Variants in TBCD observed in about 807,000 individuals in gnomAD.
TBCD encodes the protein tubulin folding cofactor D, also known as tubulin-specific chaperone D.
In TBCD, 105 loss-of-function variants were observed where a neutral mutation model predicts 169.3. The observed-to-expected ratio is 0.62, with a 90% CI of 0.53 to 0.73. The LOEUF (loss-of-function observed/expected upper bound fraction) is 0.73, where lower values mean the gene tolerates loss of function less well. Ranked by LOEUF, TBCD falls within the 30% of genes least tolerant of loss-of-function variation. The pLI, the probability that TBCD is intolerant of heterozygous loss-of-function variation, is 0.00. For missense variants in TBCD, 1,444 were observed against 1,600.1 expected (o/e 0.90, Z 1.66); for synonymous variants, 700 against 643.9 (o/e 1.09, Z -1.32).
intron 14 of TBCD, among the ~76,000 whole-genome samples, chr17:82,883,138 G>A (rs572713488): frequency 2.6e-5 from 4 of 152,260 alleles, no homozygotes; most frequent in African/African-American, 9.6e-5. Context: ...CGTCCTTCAT[G>A]TTGACGCGGG....
chr17:82,787,729 G>A (rs2049417679), intron 7 of TBCD, among the ~76,000 whole-genome samples: 1 of 152,350 alleles, frequency 6.6e-6, no homozygotes, highest in East Asian at 1.9e-4. Flanking sequence ...AAGTACCATC[G>A]AAACCAGGAT....
intron 5 of TBCD, among the ~76,000 whole-genome samples, chr17:82,771,962 ACCTACTATGTAC>A (rs1568109554): frequency 6.6e-6 from 1 of 152,006 alleles, no homozygotes; most frequent in Non-Finnish European, 1.5e-5. Context: ...AAATATATAC[ACCTACTATGTAC>A]CCCAAAAATT....
At chr17:82,850,628 CTGTTGGCTGTGCTGT>C (rs1167860970) in intron 13 of TBCD, among the ~76,000 whole-genome samples, 7 of 149,418 alleles carry the variant, frequency 4.7e-5, no homozygotes, top group East Asian at 2.0e-4. Context: ...TGCTGTTTTG[CTGTTGGCTGTGCTGT>C]TGTTGGCTGT....
At chr17:82,853,402 C>CTT (rs11439499) in intron 13 of TBCD, among the ~76,000 whole-genome samples, 24 of 139,408 alleles carry the variant, frequency 1.7e-4, no homozygotes, top group African/African-American at 5.0e-4. Flanking sequence ...ACCCCCCCTC[C>CTT]TTTTTTTTTT....
At chr17:82,758,021 A>G (rs1008506172) in intron 2 of TBCD, among the ~76,000 whole-genome samples, 2 of 152,210 alleles carry the variant, frequency 1.3e-5, no homozygotes, top group African/African-American at 2.4e-5. Context: ...AGAGTGGATC[A>G]TGGAATATTA....
At position 82,764,032 on chromosome 17, in the gene TBCD, G is replaced by C; in HGVS notation, c.303G>C (p.Leu101=). The C allele has an allele frequency of 1.2e-6, 2 of 1,613,858 alleles. No individual in the cohort carries two copies. The highest frequency in any genetic ancestry group is 1.7e-6 in the Non-Finnish European group (2 of 1,179,836). Residue 101 remains leucine (L), a synonymous_variant, in exon 3 of 39, where the codon CTG becomes CTC. Coordinates refer to ENST00000355528, the MANE Select transcript of TBCD (RefSeq NM_005993.5). ...DQTSPASLVH[L]AFKFLYIITK... ...CATCTCCAGCTTCCCTTGTACATCT[G>C]GCTTTTAAATTTCTTTACATCATCA...
At position 82,831,950 on chromosome 17, in the gene TBCD, T is replaced by C. The variant is rs142698629; in HGVS notation, c.1318+17016T>C. 6.2e-6 allele frequency: 10 copies of C among 1,613,918 alleles called. No homozygotes were observed. In the African/African-American group the frequency reaches 1.2e-4, roughly 19 times the overall value. ...TCGGCGTTGTCTGGCCCCTTGAGTC[T>C]GTGCTCGCCGACTGGAACAAATGCA... is the stretch of plus-strand genomic sequence containing the variant. On this transcript the variant is annotated intron_variant, in intron 13 of 38. Transcript: ENST00000355528. This position sits in a 1 kb window ranked among gnomAD's most constrained non-coding sequence, Gnocchi z 4.6.
At chr17:82,870,171 CGT>C in intron 13 of TBCD, 51 bp from the exon 14 acceptor site, 1 of 1,608,310 alleles carries the variant, frequency 6.2e-7, no homozygotes. Flanking sequence ...TGAAGCCTCA[CGT>C]GTTGCCCGTG....
At chr17:82,904,153 A>C (rs1162532027) in intron 19 of TBCD, among the ~76,000 whole-genome samples, 8 of 146,734 alleles carry the variant, frequency 5.5e-5, no homozygotes, top group Non-Finnish European at 7.5e-5. Context: ...CTTGGTCTCT[A>C]GGTGGCTTCC....
intron 4 of TBCD, 91 bp from the exon 5 acceptor site, chr17:82,768,329 G>A (rs2048128002): frequency 6.8e-7 from 1 of 1,471,812 alleles, no homozygotes; most frequent in Admixed American, 1.8e-5. Context: ...GGCATTGGGT[G>A]GGCATGGAGG....
Position 82,880,993 on chromosome 17 carries a change from G to A in TBCD, c.1476-3152G>A, listed in dbSNP as rs1464008192. Among the ~76,000 whole-genome samples the A allele has an allele frequency of 6.6e-6, 1 of 152,216 alleles. No individual in the cohort carries two copies. Among genetic ancestry groups the A allele is most frequent in the Non-Finnish European group, 1.5e-5 (1 of 68,030 alleles). ...TTGTGGCTGTGGCCACACAGGGCAG[G>A]GCCTCAGGGCAGGGAGGCCAGTGCT... On this transcript the variant is annotated intron_variant, in intron 14 of 38. Coordinates refer to ENST00000355528, the MANE Select transcript of TBCD (RefSeq NM_005993.5). The surrounding 1 kb of genome is among the most constrained non-coding windows in gnomAD (Gnocchi z 5.0).
chr17:82,765,960 G>T (rs940758327), intron 3 of TBCD, among the ~76,000 whole-genome samples: 1 of 152,086 alleles, frequency 6.6e-6, no homozygotes, highest in Non-Finnish European at 1.5e-5. Flanking sequence ...ACAGGCATGT[G>T]CCACCATCCT....
rs77339079 is a variant in TBCD, at chr17:82,846,073, C to T, written c.1319-24151C>T. On this transcript the variant is annotated intron_variant, in intron 13 of 38. Transcript: ENST00000355528. ...CGGCTCCGGGCCGGAGGGCACCTCT[C>T]GCCTGGCTGTGTTGTGTCTCAGGGC... Among the ~76,000 whole-genome samples, 1,141 of 152,360 alleles carry T rather than the reference C, an allele frequency of 7.5e-3. 9 individuals are homozygous for T. The highest frequency in any genetic ancestry group is 0.026 in the African/African-American group (1,079 of 41,588).
In TBCD at chr17:82,922,884, G is replaced by A. The variant is rs770757437; in HGVS notation, c.2179-768G>A. ...CTGTGTGGTCACGAGAGGCTCCTCC[G>A]TAGGTGGCAGAGGTGGGGGTTCGAG... On this transcript the variant is annotated intron_variant, in intron 25 of 38. Transcript: ENST00000355528. This position sits in a 1 kb window ranked among gnomAD's most constrained non-coding sequence, Gnocchi z 4.1. Among the ~76,000 whole-genome samples, 7 of 152,256 alleles carry A rather than the reference G, an allele frequency of 4.6e-5. No homozygotes were observed. The highest frequency in any genetic ancestry group is 2.0e-4 in the Admixed American group (3 of 15,290).
chr17:82,926,611 C>T, intron 28 of TBCD, 120 bp downstream of exon 28: 4 of 810,850 alleles, frequency 4.9e-6, no homozygotes, highest in Non-Finnish European at 8.0e-6. Flanking sequence ...TAGGTTTCCT[C>T]TCTTCCAGAG....
chr17:82,828,454 A>G (rs1340090424), intron 13 of TBCD, among the ~76,000 whole-genome samples: 7 of 144,196 alleles, frequency 4.9e-5, no homozygotes, highest in East Asian at 2.2e-4. Context: ...ACGATTGAAT[A>G]TGCATACACC....
chr17:82,777,529 T>A (rs633811), intron 6 of TBCD, among the ~76,000 whole-genome samples: 75,171 of 151,188 alleles, frequency 0.5, 19,973 homozygotes, highest in African/African-American at 0.71. Flanking sequence ...AGGTAAGGTC[T>A]CGTGGGTCAC....
intron 14 of TBCD, among the ~76,000 whole-genome samples, chr17:82,871,582 C>T (rs993911489): frequency 1.9e-4 from 29 of 152,354 alleles, no homozygotes; most frequent in Admixed American, 1.8e-3. Flanking sequence ...CTGCTCACTA[C>T]AAGACGCCTG....
chr17:82,848,512 C>G (rs146555303), intron 13 of TBCD, among the ~76,000 whole-genome samples: 23 of 152,334 alleles, frequency 1.5e-4, no homozygotes, highest in African/African-American at 5.5e-4. Context: ...CATTCTCACT[C>G]GCCTGACTCA....
Sources: allele counts gnomAD v4.1 joint callset (sites outside exome capture counted in the v4.1 genomes callset), GRCh38; gene constraint gnomAD v4.1.1; non-coding constraint Gnocchi (gnomAD v3.1); transcripts MANE v1.5; gene names NCBI Gene and HGNC (gene_info 2026-07-23, HGNC 2026-07-21).